Variants in MON2 observed in about 807,000 individuals in gnomAD.
The protein encoded by MON2 is protein MON2 homolog.
In MON2, 84 loss-of-function variants were observed where a neutral mutation model predicts 208.6. The ratio of observed to expected loss-of-function variants is 0.40; its 90% CI spans 0.34 to 0.48. MON2 has a LOEUF of 0.48. MON2 is among the 20% of genes least tolerant of loss of function. MON2 has a pLI of 0.59. For missense variants in MON2, 1,611 were observed against 2,015.4 expected, an observed-to-expected ratio of 0.80 and a Z score of 3.84; for synonymous variants, 660 against 694.0, an observed-to-expected ratio of 0.95 and a Z score of 0.77.
intron 1 of MON2, among the ~76,000 whole-genome samples, chr12:62,481,165 T>G (rs1185028805): frequency 6.6e-6 from 1 of 152,238 alleles, no homozygotes; most frequent in Admixed American, 6.5e-5. Context: ...CATCATCTCT[T>G]GCTTATATTA....
Position 62,553,008 on chromosome 12 carries a change from C to T in MON2, c.3044C>T (p.Ala1015Val). 1.2e-6 allele frequency: 2 copies of T among 1,614,182 alleles called. No homozygotes were observed. The change falls in exon 24 of 35, where the codon GCA becomes GTA. Residue 1015 changes from alanine (A) to valine (V), a missense_variant. Physicochemically the swap from Ala to Val is moderately conservative, Grantham distance 64. Coordinates refer to ENST00000393630, the MANE Select transcript of MON2 (RefSeq NM_015026.3). The stretch of plus-strand genomic sequence containing the variant: ...GTTTTAAATCGGCCATTCCACCCTG[C>T]ACCGCCATTTGATTGCTTGTGGTTA... ...GVVLNRPFHPAPPFDCLWLCL... is the reference protein window; with the variant it reads ...GVVLNRPFHPVPPFDCLWLCL...
In MON2 at chr12:62,467,079, C is replaced by T. The variant is rs534460733; in HGVS notation, c.-129C>T. ...GCTCGAGCAGGCTCCGGGTTCGCAGCCCAGGGCCCAAGAAGCGGGCTGCTG... is the reference window on the plus strand; with the variant it reads ...GCTCGAGCAGGCTCCGGGTTCGCAGTCCAGGGCCCAAGAAGCGGGCTGCTG... On this transcript the variant is annotated 5_prime_UTR_variant, in exon 1 of 35. Coordinates refer to ENST00000393630, the MANE Select transcript of MON2 (RefSeq NM_015026.3). The T allele has an allele frequency of 1.4e-5, 10 of 726,732 alleles. No homozygotes were observed. In the East Asian group the frequency reaches 2.1e-4, roughly 15 times the overall value. The allele number at this position is 726,732 out of a possible 1,614,324, so 45.0% of individuals were successfully genotyped here. A position where few individuals can be genotyped will look rare whatever the true frequency, so the allele number is the denominator to read the frequency against.
chr12:62,547,132 A>T, intron 22 of MON2, 60 bp downstream of exon 22: 2 of 1,123,750 alleles, frequency 1.8e-6, no homozygotes, highest in Non-Finnish European at 2.4e-6. Flanking sequence ...TAAATAAAAT[A>T]AAATTAACAT....
At chr12:62,490,879 C>T (rs1448476257) in intron 2 of MON2, among the ~76,000 whole-genome samples, 1 of 151,968 alleles carries the variant, frequency 6.6e-6, no homozygotes. Flanking sequence ...CTTGATAGAC[C>T]TGGTTGTAGC....
rs59861392 is a variant in MON2, at chr12:62,478,121, T to TTGTGTGTG, written c.112-6031_112-6024dup. Among the ~76,000 whole-genome samples the TTGTGTGTG allele has an allele frequency of 2.5e-3, 369 of 149,792 alleles. 2 individuals carry two copies. Among genetic ancestry groups the TTGTGTGTG allele is most frequent in the South Asian group, 5.9e-3 (28 of 4,718 alleles). On this transcript the variant is annotated intron_variant, in intron 1 of 34. Transcript: ENST00000393630. ...TAGAATTGGCACTTGTAGATATAAT[T>TTGTGTGTG]TGTGTGTGTGTGTGTGTGTGTGTGT...
At chr12:62,543,570 T>C (rs1226950862) in intron 20 of MON2, among the ~76,000 whole-genome samples, 2 of 152,172 alleles carry the variant, frequency 1.3e-5, no homozygotes, top group African/African-American at 4.8e-5. Context: ...ACTGCTCATT[T>C]ATAGCCTTTG....
intron 19 of MON2, 94 bp downstream of exon 19, chr12:62,538,599 C>A: frequency 1.2e-6 from 1 of 844,194 alleles, no homozygotes; most frequent in Non-Finnish European, 1.9e-6. Flanking sequence ...GTAGAACTAA[C>A]ACTCAGATTG....
At chr12:62,500,974 A>AT in intron 6 of MON2, 94 bp downstream of exon 6, 2 of 705,672 alleles carry the variant, frequency 2.8e-6, no homozygotes, top group South Asian at 2.4e-5. Context: ...TTTAATGTGA[A>AT]TTTTTTTGAA....
intron 8 of MON2, among the ~76,000 whole-genome samples, chr12:62,520,236 T>C (rs1270834207): frequency 6.6e-6 from 1 of 152,248 alleles, no homozygotes; most frequent in Non-Finnish European, 1.5e-5. Context: ...ACATCATGTA[T>C]TTTAGTTGTG....
rs1201559146 is a variant in MON2 at position 62,537,679 on chromosome 12, A to G, written c.2091A>G (p.Ser697=). 6.2e-7 allele frequency: 1 copy of G among 1,612,920 alleles called. No homozygotes were observed. Among genetic ancestry groups the G allele is most frequent in the African/African-American group, 1.3e-5 (1 of 74,916 alleles). ...AHCHGAVLGT[S]WQLVLATLQH... ...GCCATGGGGCTGTTCTTGGAACATC[A>G]TGGCAACTTGTCTTGGCAACTCTTC... The change falls in exon 16 of 35, where the codon TCA becomes TCG. Residue 697 remains serine, a synonymous_variant. Transcript: ENST00000393630.
chr12:62,554,508 A>C (rs1233570935), intron 24 of MON2, among the ~76,000 whole-genome samples: 1 of 151,958 alleles, frequency 6.6e-6, no homozygotes, highest in Non-Finnish European at 1.5e-5. Context: ...TTTTTTTGTG[A>C]GTGAAAGATA....
intron 1 of MON2, among the ~76,000 whole-genome samples, chr12:62,475,521 C>G (rs1408210624): frequency 6.6e-6 from 1 of 151,608 alleles, no homozygotes; most frequent in Non-Finnish European, 1.5e-5. Flanking sequence ...TTAGCACCTC[C>G]TAGGTATACA....
At chr12:62,557,575 C>T (rs967062941) in intron 25 of MON2, among the ~76,000 whole-genome samples, 1 of 152,122 alleles carries the variant, frequency 6.6e-6, no homozygotes, top group African/African-American at 2.4e-5. Context: ...TACTTTTGTA[C>T]ATAGTTATGA....
intron 4 of MON2, among the ~76,000 whole-genome samples, chr12:62,496,847 C>T (rs1325175810): frequency 6.6e-6 from 1 of 150,986 alleles, no homozygotes; most frequent in Non-Finnish European, 1.5e-5. Flanking sequence ...GCTATAAAGA[C>T]ACATGCACAC....
At chr12:62,499,142 T>TAATA in intron 5 of MON2, 94 bp downstream of exon 5, 2 of 1,291,404 alleles carry the variant, frequency 1.5e-6, no homozygotes, top group Non-Finnish European at 2.1e-6. Flanking sequence ...TCAACATTAT[T>TAATA]ATGTCTATAA....
chr12:62,527,859 G>A (rs74095812), intron 11 of MON2, among the ~76,000 whole-genome samples: 127 of 148,298 alleles, frequency 8.6e-4, no homozygotes, highest in Non-Finnish European at 1.5e-3. Context: ...AAAAAAAAAA[G>A]AAACAAGCCA....
intron 7 of MON2, among the ~76,000 whole-genome samples, chr12:62,501,947 C>T (rs1190892487): frequency 1.3e-5 from 2 of 151,868 alleles, no homozygotes; most frequent in South Asian, 2.1e-4. Flanking sequence ...AAAGGCTGGG[C>T]GCGGTGGCTC....
Position 62,534,955 on chromosome 12 carries a change from A to G in MON2, c.1715+29A>G, listed in dbSNP as rs780931241. 4.9e-6 allele frequency: 7 copies of G among 1,433,450 alleles called. No homozygotes were observed. The South Asian group carries it at 8.3e-5, about 17-fold the overall frequency. 88.8% of individuals were successfully genotyped at this position (1,433,450 alleles called of 1,614,324 possible). On this transcript the variant is annotated intron_variant, in intron 13 of 34. Coordinates refer to ENST00000393630, the MANE Select transcript of MON2 (RefSeq NM_015026.3). The stretch of plus-strand genomic sequence containing the variant: ...TTAAGTCTTTGTAAGTTTTATATTG[A>G]ACTGTGTCAGTTAAAAAAAACACAT...
At chr12:62,519,751 A>G (rs2071910579) in intron 8 of MON2, among the ~76,000 whole-genome samples, 1 of 152,190 alleles carries the variant, frequency 6.6e-6, no homozygotes, top group Admixed American at 6.5e-5. Flanking sequence ...AATTATATTA[A>G]TGGCCTTTTT....
Sources: gnomAD v4.1 joint callset for allele counts (sites outside exome capture counted in the v4.1 genomes callset) on GRCh38, gnomAD v4.1.1 for gene constraint, MANE v1.5 for transcripts, NCBI Gene and HGNC (gene_info 2026-07-23, HGNC 2026-07-21) for gene names.